Variants in ITPR1 observed in about 807,000 individuals in gnomAD.
ITPR1 encodes inositol 1,4,5-trisphosphate-gated calcium channel ITPR1.
ITPR1 carries 96 observed loss-of-function variants against 318.4 expected under a neutral mutation model. The ratio of observed to expected loss-of-function variants is 0.30; its 90% CI spans 0.26 to 0.36. The LOEUF is 0.36. Among genes scored for constraint, ITPR1 ranks in the 10% least tolerant of loss-of-function variants. ITPR1 has a pLI of 1.00. For synonymous variants in ITPR1, 1,312 were observed against 1,289.9 expected (o/e 1.02, Z -0.37); for missense variants, 2,440 against 3,460.2 (o/e 0.71, Z 7.40).
intron 39 of ITPR1, among the ~76,000 whole-genome samples, chr3:4,715,882 A>T (rs1342211646): frequency 6.6e-6 from 1 of 152,162 alleles, no homozygotes; most frequent in African/African-American, 2.4e-5. Context: ...ATTATCACAT[A>T]TGATGAAAGG....
At chr3:4,615,118 G>C (rs1189946664) in intron 4 of ITPR1, among the ~76,000 whole-genome samples, 1 of 152,206 alleles carries the variant, frequency 6.6e-6, no homozygotes, top group African/African-American at 2.4e-5. Flanking sequence ...GAAGGGTGCT[G>C]CCTCTGTCAC....
At chr3:4,684,102 C>G (rs1042848783) in intron 28 of ITPR1, among the ~76,000 whole-genome samples, 179 bp from the exon 29 acceptor site, 1 of 152,266 alleles carries the variant, frequency 6.6e-6, no homozygotes. Flanking sequence ...CAGCCCACTA[C>G]TATCCCTTCC....
intron 40 of ITPR1, among the ~76,000 whole-genome samples, chr3:4,720,877 A>T (rs1422507047): frequency 6.6e-6 from 1 of 151,976 alleles, no homozygotes; most frequent in Non-Finnish European, 1.5e-5. Context: ...CAGGGTGGAG[A>T]TGTCCTACTT....
chr3:4,838,691 C>T (rs1158873747), intron 61 of ITPR1, among the ~76,000 whole-genome samples: 1 of 152,240 alleles, frequency 6.6e-6, no homozygotes, highest in Non-Finnish European at 1.5e-5. Flanking sequence ...CATTCTAGCT[C>T]TCACATGCCA....
chr3:4,669,506 G>A, intron 18 of ITPR1, 148 bp from the exon 19 acceptor site: 1 of 616,626 alleles, frequency 1.6e-6, no homozygotes, highest in South Asian at 2.5e-5. Flanking sequence ...TTCTGGTGAT[G>A]CCATAAACAT....
At chr3:4,711,651 A>G (rs2041380873) in intron 38 of ITPR1, 106 bp from the exon 39 acceptor site, 3 of 692,698 alleles carry the variant, frequency 4.3e-6, no homozygotes, top group Non-Finnish European at 7.7e-6. Context: ...AGAGCTCTTA[A>G]TAAATATTTG....
chr3:4,706,045 C>T (rs1574945864), intron 36 of ITPR1, 122 bp from the exon 37 acceptor site: 3 of 929,238 alleles, frequency 3.2e-6, no homozygotes, highest in East Asian at 5.2e-5. Context: ...AGCTCAATAC[C>T]AGGCAAGCTG....
chr3:4,680,150 A>T (rs1054712653), intron 24 of ITPR1, among the ~76,000 whole-genome samples: 4 of 151,752 alleles, frequency 2.6e-5, no homozygotes, highest in Admixed American at 1.3e-4. Context: ...TAAAAAACAA[A>T]TTTTTTTTTG....
intron 32 of ITPR1, 66 bp from the exon 33 acceptor site, chr3:4,693,424 A>T: frequency 6.4e-7 from 1 of 1,551,064 alleles, no homozygotes; most frequent in Non-Finnish European, 8.8e-7. Flanking sequence ...CTCTGTGAAT[A>T]GATTTTTTTC....
At chr3:4,689,546 C>G (rs1366973919) in intron 31 of ITPR1, among the ~76,000 whole-genome samples, 1 of 152,116 alleles carries the variant, frequency 6.6e-6, no homozygotes, top group East Asian at 1.9e-4. Flanking sequence ...GCAAATATTC[C>G]CAAATCCAAA....
chr3:4,643,061 A>G (rs775858286), intron 7 of ITPR1, among the ~76,000 whole-genome samples: 14 of 152,358 alleles, frequency 9.2e-5, no homozygotes, highest in Non-Finnish European at 1.5e-4. Context: ...AAGTTTAAAT[A>G]TGTTTGTGTA....
chr3:4,590,794 G>A (rs879267699), intron 4 of ITPR1, among the ~76,000 whole-genome samples: 10 of 151,942 alleles, frequency 6.6e-5, no homozygotes, highest in African/African-American at 1.2e-4. Context: ...CACGTGTCAC[G>A]GGGGTTTGTT....
chr3:4,609,656 G>T (rs2091957869), intron 4 of ITPR1, among the ~76,000 whole-genome samples: 1 of 150,850 alleles, frequency 6.6e-6, no homozygotes, highest in African/African-American at 2.4e-5. Flanking sequence ...ATTCAATGGA[G>T]AACATGGAGG....
intron 61 of ITPR1, among the ~76,000 whole-genome samples, chr3:4,837,246 A>G (rs2050989006): frequency 6.6e-6 from 1 of 152,182 alleles, no homozygotes; most frequent in Admixed American, 6.5e-5. Context: ...AAAAACCACT[A>G]TGCATAAAGC....
At chr3:4,619,850 C>G (rs2092557849) in intron 4 of ITPR1, among the ~76,000 whole-genome samples, 2 of 141,006 alleles carry the variant, frequency 1.4e-5, no homozygotes, top group African/African-American at 5.3e-5. Context: ...CTCTCCTTCT[C>G]TCTTTTCTCT....
At chr3:4,503,127 C>T (rs559215494) in intron 2 of ITPR1, among the ~76,000 whole-genome samples, 8 of 151,752 alleles carry the variant, frequency 5.3e-5, no homozygotes, top group Admixed American at 1.3e-4. Context: ...CAGAGGGTGA[C>T]GTGAGGACCA....
At chr3:4,765,009 G>A (rs2045721338) in intron 44 of ITPR1, among the ~76,000 whole-genome samples, 1 of 151,676 alleles carries the variant, frequency 6.6e-6, no homozygotes, top group South Asian at 2.1e-4. Context: ...TGGGTGGGTG[G>A]ATGGATGAGT....
Position 4,770,434 on chromosome 3 carries a change from GCAT to G in ITPR1, c.5979+1672_5979+1674del, listed in dbSNP as rs3838623. ...ATTGAAGAACCTCAACTTTGAAAAA[GCAT>G]CTGAGATCTGAGGTCCTCACCTGGC... On this transcript the variant is annotated intron_variant, in intron 46 of 61. Transcript: ENST00000649015. 7.4e-4 allele frequency among the ~76,000 whole-genome samples: 113 copies of G among 152,304 alleles called. 1 individual carries two copies. In the East Asian group the frequency reaches 0.015, roughly 20 times the overall value.
intron 24 of ITPR1, among the ~76,000 whole-genome samples, chr3:4,679,915 G>C (rs1345561239): frequency 6.6e-6 from 1 of 152,156 alleles, no homozygotes; most frequent in African/African-American, 2.4e-5. Context: ...GCTAAGCAGA[G>C]ACAAGGGGAG....
Sources: gnomAD v4.1 joint callset for allele counts (sites outside exome capture counted in the v4.1 genomes callset) on GRCh38, gnomAD v4.1.1 for gene constraint, MANE v1.5 for transcripts, NCBI Gene and HGNC (gene_info 2026-07-23, HGNC 2026-07-21) for gene names.